Variants in CADPS observed in about 807,000 individuals in gnomAD.
CADPS encodes the protein calcium dependent secretion activator, also known as calcium-dependent secretion activator 1.
CADPS carries 57 observed loss-of-function variants against 167.3 expected under a neutral mutation model. The observed-to-expected ratio is 0.34, with a 90% confidence interval of 0.28 to 0.42. The LOEUF (loss-of-function observed/expected upper bound fraction) is 0.42. CADPS is among the 20% of genes least tolerant of loss of function. The pLI is 1.00. For synonymous variants in CADPS, 676 were observed against 635.3 expected, an observed-to-expected ratio of 1.06 and a Z score of -0.96; for missense variants, 1,414 against 1,738.1, an observed-to-expected ratio of 0.81 and a Z score of 3.32.
In CADPS at chr3:62,399,524, T is replaced by C. The variant is rs376832211; in HGVS notation, c.3944A>G (p.Tyr1315Cys). Residue 1315 changes from tyrosine (Y) to cysteine (C), a missense_variant, in exon 30 of 30, where the codon TAT becomes TGT. By Grantham distance (194) the Tyr-to-Cys change is radical (BLOSUM62 -2). This residue lies in a region of CADPS where 185 missense variants were observed against 251.5 expected (regional missense o/e 0.74). Transcript: ENST00000383710. The surrounding 1 kb of genome is among the most constrained non-coding windows in gnomAD (Gnocchi z 5.6). Reference protein sequence around the residue: ...VLDSTLNSKTYETIRNRLTVE... With the variant: ...VLDSTLNSKTCETIRNRLTVE... ...AGTGAGACGGTTCCGGATCGTTTCA[T>C]AGGTCTTGCTGTTTAAGGTGGAGTC... The C allele has an allele frequency of 4.3e-6, 7 of 1,614,164 alleles. No individual in the cohort carries two copies. The highest frequency in any genetic ancestry group is 5.1e-6 in the Non-Finnish European group (6 of 1,179,994).
At position 62,875,148 on chromosome 3, in the gene CADPS, G is replaced by A. The variant is rs1259973325; in HGVS notation, c.-119C>T. On this transcript the variant is annotated 5_prime_UTR_variant, in exon 1 of 30. Transcript: ENST00000383710. The stretch of plus-strand genomic sequence containing the variant: ...TGGGCGCTTCTCCCCAGGTCAGGGA[G>A]CGAGAGCGCTGCTGCTCAGCCTCGG... The A allele has an allele frequency of 7.9e-7, 1 of 1,258,146 alleles. No individual in the cohort carries two copies. The highest frequency in any genetic ancestry group is 1.0e-6 in the Non-Finnish European group (1 of 984,200). The allele number at this position is 1,258,146 out of a possible 1,614,324, so 77.9% of individuals were successfully genotyped here. A position where few individuals can be genotyped will look rare whatever the true frequency, so the allele number is the denominator to read the frequency against.
At chr3:62,735,594 A>C (rs1036306167) in intron 3 of CADPS, among the ~76,000 whole-genome samples, 1 of 151,958 alleles carries the variant, frequency 6.6e-6, no homozygotes, top group Non-Finnish European at 1.5e-5. Flanking sequence ...GAATCCCTCA[A>C]CCCCTACAAG....
At chr3:62,768,259 T>A (rs2087464914) in intron 1 of CADPS, among the ~76,000 whole-genome samples, 1 of 152,202 alleles carries the variant, frequency 6.6e-6, no homozygotes, top group African/African-American at 2.4e-5. Context: ...TTTAATCTAG[T>A]TCACAAATCC....
chr3:62,671,951 T>A (rs1274062875), intron 3 of CADPS, among the ~76,000 whole-genome samples: 1 of 152,090 alleles, frequency 6.6e-6, no homozygotes, highest in Non-Finnish European at 1.5e-5. Flanking sequence ...ATTTTAATTT[T>A]TTTTATTTTT....
rs572539769 is a variant in CADPS, at chr3:62,753,726, G to A, written c.603C>T (p.Gly201=). ...CCTCCCGGGAGTCGTTGGCGGAACAGCCTCCACTCTGAACCATGCGGGCCA... is the reference window on the plus strand; with the variant it reads ...CCTCCCGGGAGTCGTTGGCGGAACAACCTCCACTCTGAACCATGCGGGCCA... ...DRVARMVQSG[G]CSANDSREVF... The change falls in exon 3 of 30, where the codon GGC becomes GGT. Residue 201 remains glycine, a synonymous_variant. Coordinates refer to ENST00000383710, the MANE Select transcript of CADPS (RefSeq NM_003716.4). The surrounding 1 kb of genome is among the most constrained non-coding windows in gnomAD (Gnocchi z 4.6). 11 of 1,614,148 alleles carry A rather than the reference G, an allele frequency of 6.8e-6. No individual in the cohort carries two copies. Among genetic ancestry groups the A allele is most frequent in the South Asian group, 6.6e-5 (6 of 91,072 alleles).
At chr3:62,567,564 CTTTTTTTTTTTTTTTTTTTTTTTT>C (rs10561022) in intron 9 of CADPS, among the ~76,000 whole-genome samples, 5 of 33,820 alleles carry the variant, frequency 1.5e-4, no homozygotes, top group African/African-American at 5.5e-4. Flanking sequence ...CTAAGCACTG[CTTTTTTTTTTTTTTTTTTTTTTTT>C]TTTTTTTTTA....
chr3:62,640,307 C>T (rs1026186845), intron 6 of CADPS, among the ~76,000 whole-genome samples: 2 of 152,112 alleles, frequency 1.3e-5, no homozygotes, highest in Non-Finnish European at 2.9e-5. Flanking sequence ...ATACATGAGG[C>T]AAGCAACTGG....
In CADPS at chr3:62,874,883, C is replaced by T; in HGVS notation, c.147G>A (p.Gly49=). 6 of 1,243,002 alleles carry T rather than the reference C, an allele frequency of 4.8e-6. No homozygotes were observed. Among genetic ancestry groups the T allele is most frequent in the Non-Finnish European group, 6.1e-6 (6 of 989,504 alleles). 77.0% of individuals were successfully genotyped at this position (1,243,002 alleles called of 1,614,324 possible). A position where few individuals can be genotyped will look rare whatever the true frequency, so the allele number is the denominator to read the frequency against. Residue 49 remains glycine (G), a synonymous_variant, in exon 1 of 30, where the codon GGG becomes GGA. Coordinates refer to ENST00000383710, the MANE Select transcript of CADPS (RefSeq NM_003716.4). The surrounding 1 kb of genome is among the most constrained non-coding windows in gnomAD (Gnocchi z 7.1). The part of the protein sequence containing the change: ...SEGSAGSAGL[G]GGGAGAGAGV... ...CGGCTCCGGCGCCGGCGCCGCCGCC[C>T]CCCAGCCCGGCGCTGCCGGCCGAGC...
At chr3:62,604,785 C>T (rs2060462518) in intron 6 of CADPS, among the ~76,000 whole-genome samples, 1 of 152,238 alleles carries the variant, frequency 6.6e-6, no homozygotes, top group African/African-American at 2.4e-5. Flanking sequence ...CTCCATCACC[C>T]AGCTGCCTTC....
At chr3:62,725,436 T>C (rs970662102) in intron 3 of CADPS, among the ~76,000 whole-genome samples, 4 of 152,224 alleles carry the variant, frequency 2.6e-5, no homozygotes, top group Admixed American at 1.3e-4. Context: ...ATCCCATAAA[T>C]GTTCAAAGGA....
chr3:62,530,373 A>G (rs973355287), intron 13 of CADPS, among the ~76,000 whole-genome samples: 1 of 152,206 alleles, frequency 6.6e-6, no homozygotes, highest in African/African-American at 2.4e-5. Context: ...CCACTAAAAA[A>G]GCAATCTGAC....
chr3:62,629,676 T>C (rs9852775), intron 6 of CADPS, among the ~76,000 whole-genome samples: 10,868 of 152,254 alleles, frequency 0.071, 429 homozygotes, highest in African/African-American at 0.1. Flanking sequence ...CAAAGACCTT[T>C]CGTGTCCTAC....
intron 9 of CADPS, 86 bp downstream of exon 9, chr3:62,570,782 GTATT>G (rs2152453021): frequency 1.2e-6 from 1 of 859,190 alleles, no homozygotes; most frequent in African/African-American, 1.7e-5. Context: ...TGAGCTCTGT[GTATT>G]TAAGTTATAC....
chr3:62,821,939 C>G (rs1358579887), intron 1 of CADPS, among the ~76,000 whole-genome samples: 2 of 152,156 alleles, frequency 1.3e-5, no homozygotes, highest in African/African-American at 4.8e-5. Context: ...GGAATGAGGT[C>G]TCTGCCTCCT....
intron 6 of CADPS, among the ~76,000 whole-genome samples, chr3:62,604,048 T>C (rs1227366881): frequency 1.3e-5 from 2 of 151,970 alleles, no homozygotes; most frequent in Non-Finnish European, 2.9e-5. Context: ...GCCAGGATGG[T>C]CTCGATCTCC....
chr3:62,768,412 G>A (rs1037542532), intron 1 of CADPS, among the ~76,000 whole-genome samples: 6 of 151,956 alleles, frequency 3.9e-5, no homozygotes, highest in Admixed American at 3.9e-4. Context: ...TATAGACCTC[G>A]CTTTTGTCTT....
chr3:62,569,891 C>A (rs2080975305), intron 9 of CADPS, among the ~76,000 whole-genome samples: 1 of 152,026 alleles, frequency 6.6e-6, no homozygotes, highest in Non-Finnish European at 1.5e-5. Flanking sequence ...AATCCTGATG[C>A]AAAAAATAAA....
At chr3:62,459,761 C>T (rs1047981221) in intron 26 of CADPS, among the ~76,000 whole-genome samples, 2 of 152,174 alleles carry the variant, frequency 1.3e-5, no homozygotes, top group African/African-American at 4.8e-5. Flanking sequence ...CCATCTTATC[C>T]ATTGCTAACC....
intron 11 of CADPS, among the ~76,000 whole-genome samples, chr3:62,549,669 C>T (rs2077026953): frequency 6.6e-6 from 1 of 152,020 alleles, no homozygotes; most frequent in African/African-American, 2.4e-5. Context: ...GATAAAAATC[C>T]ACCTAAAATA....
Sources: allele counts gnomAD v4.1 joint callset (sites outside exome capture counted in the v4.1 genomes callset), GRCh38; gene constraint gnomAD v4.1.1; regional missense constraint gnomAD v4.1.1; non-coding constraint Gnocchi (gnomAD v3.1); transcripts MANE v1.5; gene names NCBI Gene and HGNC (gene_info 2026-07-23, HGNC 2026-07-21).